The following DGLUCY variants were observed in gnomAD, a reference collection of about 807,000 sequenced individuals.
DGLUCY encodes D-glutamate cyclase, mitochondrial.
A neutral mutation model predicts 58.5 loss-of-function variants in DGLUCY; 58 were observed. That is an observed-to-expected ratio of 0.99 (90% confidence interval 0.80 to 1.23). The LOEUF (loss-of-function observed/expected upper bound fraction) is 1.23. Ranked by LOEUF, DGLUCY falls within the 50% of genes most tolerant of loss-of-function variation. DGLUCY has a pLI of 0.00. For missense variants in DGLUCY, 779 were observed against 784.7 expected (o/e 0.99, Z 0.09); for synonymous variants, 325 against 314.1 (o/e 1.03, Z -0.37).
chr14:91,157,467 T>G (rs2047726419), intron 1 of DGLUCY, among the ~76,000 whole-genome samples, 172 bp from the exon 2 acceptor site: 1 of 152,196 alleles, frequency 6.6e-6, no homozygotes, highest in East Asian at 1.9e-4. Context: ...TAACAATGCC[T>G]TTTTTGTGTG....
At chr14:91,185,094 A>G (rs372169792) in intron 8 of DGLUCY, among the ~76,000 whole-genome samples, 10 of 151,560 alleles carry the variant, frequency 6.6e-5, no homozygotes, top group Non-Finnish European at 4.4e-5. Context: ...CAGCTTCTCA[A>G]CGTAGCTGGG....
chr14:91,083,521 T>G (rs1190388299), intron 1 of DGLUCY, among the ~76,000 whole-genome samples: 1 of 91,248 alleles, frequency 1.1e-5, no homozygotes, highest in African/African-American at 4.8e-5. Context: ...AGATTCCGTC[T>G]CAAAAAAAAA....
At chr14:91,173,709 C>A in intron 6 of DGLUCY, 1 of 369,780 alleles carries the variant, frequency 2.7e-6, no homozygotes. Flanking sequence ...AAGGCTCTGG[C>A]AGCTGTATCA....
intron 13 of DGLUCY, chr14:91,223,636 G>A (rs987128194): frequency 6.7e-5 from 86 of 1,279,358 alleles, no homozygotes; most frequent in Non-Finnish European, 8.5e-5. Context: ...AAGGAGGGGG[G>A]ATGGAGGAGG....
At chr14:91,117,677 A>G (rs2045065711) in intron 1 of DGLUCY, among the ~76,000 whole-genome samples, 2 of 143,428 alleles carry the variant, frequency 1.4e-5, no homozygotes, top group Non-Finnish European at 3.0e-5. Flanking sequence ...ACACACACAC[A>G]CACACACACG....
intron 13 of DGLUCY, among the ~76,000 whole-genome samples, chr14:91,221,934 G>A (rs1028772018): frequency 6.6e-6 from 1 of 151,638 alleles, no homozygotes; most frequent in East Asian, 1.9e-4. Context: ...CCTGCCCACC[G>A]TGCTCCCAGT....
At chr14:91,148,323 G>A (rs1171641013) in intron 1 of DGLUCY, among the ~76,000 whole-genome samples, 1 of 150,982 alleles carries the variant, frequency 6.6e-6, no homozygotes, top group Non-Finnish European at 1.5e-5. Flanking sequence ...TCCTACCTCA[G>A]CCTCCCAAGT....
At chr14:91,191,752 A>G (rs1390880760) in intron 9 of DGLUCY, among the ~76,000 whole-genome samples, 1 of 152,184 alleles carries the variant, frequency 6.6e-6, no homozygotes. Context: ...AGTCAACATG[A>G]TTTCCAGATG....
At chr14:91,106,091 T>G (rs1196092486), upstream of DGLUCY, among the ~76,000 whole-genome samples, 3 of 152,080 alleles carry the variant, frequency 2.0e-5, no homozygotes, top group East Asian at 5.8e-4. Context: ...ATGGATCACC[T>G]GAGGTCAGGA....
At chr14:91,135,588 TGCAGCGA>T (rs952320843) in intron 1 of DGLUCY, among the ~76,000 whole-genome samples, 63 of 146,586 alleles carry the variant, frequency 4.3e-4, no homozygotes, top group Middle Eastern at 3.5e-3. Context: ...AGGCAGAGGT[TGCAGCGA>T]GCCGAGATCG....
In DGLUCY at chr14:91,189,003, G is replaced by T; in HGVS notation, c.1028G>T (p.Gly343Val). ...SHARSVLITT[G>V]FPTHFNHEPP... ...GCCCGCTCAGTGCTCATCACCACTG[G>T]GTTCCCCACACATTTCAATCATGAG... is the stretch of plus-strand genomic sequence containing the variant. The change falls in exon 9 of 14, where the codon GGG becomes GTG. Residue 343 changes from glycine (G) to valine (V), a missense_variant. Coordinates refer to ENST00000256324, the MANE Select transcript of DGLUCY (RefSeq NM_001102368.3). The T allele has an allele frequency of 6.2e-7, 1 of 1,614,158 alleles. No individual in the cohort carries two copies. The highest frequency in any genetic ancestry group is 8.5e-7 in the Non-Finnish European group (1 of 1,180,034).
At chr14:91,213,793 G>A (rs368100144) in intron 12 of DGLUCY, among the ~76,000 whole-genome samples, 10 of 151,948 alleles carry the variant, frequency 6.6e-5, no homozygotes, top group East Asian at 1.9e-4. Context: ...TCCACCTCCC[G>A]GGTTCAAGTG....
At chr14:91,216,662 A>T (rs1167765246) in intron 13 of DGLUCY, among the ~76,000 whole-genome samples, 1 of 137,782 alleles carries the variant, frequency 7.3e-6, no homozygotes, top group African/African-American at 2.6e-5. Context: ...AAAAAAAAAG[A>T]ATCCCTGGGA....
At chr14:91,197,505 T>G (rs994274335) in intron 10 of DGLUCY, among the ~76,000 whole-genome samples, 4 of 152,378 alleles carry the variant, frequency 2.6e-5, no homozygotes, top group African/African-American at 9.6e-5. Flanking sequence ...TCTTTTCATC[T>G]TGCAAAACTG....
At chr14:91,142,840 AACACACACACACACACACACACACAC>A (rs558892923) in intron 1 of DGLUCY, among the ~76,000 whole-genome samples, 1 of 124,226 alleles carries the variant, frequency 8.0e-6, no homozygotes, top group African/African-American at 3.0e-5. Context: ...ATCTCTACTA[AACACACACACACACACACACACACAC>A]ACACACACAC....
intron 8 of DGLUCY, among the ~76,000 whole-genome samples, chr14:91,184,625 AAGGAAGGAAGGG>A (rs1465413836): frequency 1.1e-5 from 1 of 88,036 alleles, no homozygotes; most frequent in Admixed American, 1.4e-4. Context: ...GGAAGGAAGG[AAGGAAGGAAGGG>A]AGGGAGGGAG....
chr14:91,159,278 C>T lies in DGLUCY; in HGVS notation c.-29-988C>T, dbSNP rs564138300. ...CCTGGTCAACAAGGTGAAACCTCGCCTCTACTAAAAATACAAAAACAAGCC... is the reference window on the plus strand; with the variant it reads ...CCTGGTCAACAAGGTGAAACCTCGCTTCTACTAAAAATACAAAAACAAGCC... On this transcript the variant is annotated intron_variant, in intron 2 of 13. Coordinates refer to ENST00000256324, the MANE Select transcript of DGLUCY (RefSeq NM_001102368.3). Among the ~76,000 whole-genome samples the T allele has an allele frequency of 2.8e-4, 43 of 152,178 alleles. 1 individual carries two copies. In the South Asian group the frequency reaches 4.8e-3, roughly 17 times the overall value.
chr14:91,158,160 T>A (rs937113384), intron 2 of DGLUCY, among the ~76,000 whole-genome samples: 17 of 152,188 alleles, frequency 1.1e-4, no homozygotes, highest in African/African-American at 3.9e-4. Flanking sequence ...CCACAGACAT[T>A]CAGGACCCTG....
intron 1 of DGLUCY, among the ~76,000 whole-genome samples, chr14:91,122,608 T>TTTTG (rs776773911): frequency 3.0e-5 from 4 of 133,092 alleles, no homozygotes; most frequent in African/African-American, 8.8e-5. Context: ...AAAAGTTTTT[T>TTTTG]TTTTTTTTTT....
Sources: gnomAD v4.1 joint callset for allele counts (sites outside exome capture counted in the v4.1 genomes callset) on GRCh38, gnomAD v4.1.1 for gene constraint, MANE v1.5 for transcripts, NCBI Gene and HGNC (gene_info 2026-07-23, HGNC 2026-07-21) for gene names.